The following PCDH9 variants were observed in gnomAD, a reference collection of about 807,000 sequenced individuals.
PCDH9 encodes the protein protocadherin-9.
Under a neutral mutation model 70.6 loss-of-function variants are expected in PCDH9, and 24 were observed. The observed-to-expected ratio is 0.34, with a 90% confidence interval of 0.25 to 0.48. The LOEUF (loss-of-function observed/expected upper bound fraction) is 0.48. Among genes scored for constraint, PCDH9 ranks in the 20% least tolerant of loss-of-function variants. The probability of loss-of-function intolerance (pLI) is 0.99; values close to 1 mark genes in which losing one functional copy is unlikely to be tolerated. For synonymous variants in PCDH9, 562 were observed against 558.5 expected (o/e 1.01, Z -0.09); for missense variants, 1,281 against 1,503.6 (o/e 0.85, Z 2.45).
intron 4 of PCDH9, among the ~76,000 whole-genome samples, chr13:66,488,484 T>G (rs945569563): frequency 1.3e-5 from 2 of 152,028 alleles, no homozygotes; most frequent in Admixed American, 1.3e-4. Context: ...AAGTGATAAA[T>G]CGTGAAGCAA....
At chr13:66,760,627 A>G (rs879109470) in intron 3 of PCDH9, among the ~76,000 whole-genome samples, 2 of 152,212 alleles carry the variant, frequency 1.3e-5, no homozygotes, top group South Asian at 4.1e-4. Flanking sequence ...AAATCTAGGC[A>G]TCCTAAAAGA....
At chr13:66,824,692 A>ATATG (rs1555272684) in intron 3 of PCDH9, among the ~76,000 whole-genome samples, 19 of 131,044 alleles carry the variant, frequency 1.4e-4, no homozygotes, top group African/African-American at 5.5e-4. Context: ...ATATATATAT[A>ATATG]TATATGCACA....
At chr13:66,732,895 T>C (rs1301005961) in intron 3 of PCDH9, among the ~76,000 whole-genome samples, 1 of 152,082 alleles carries the variant, frequency 6.6e-6, no homozygotes, top group African/African-American at 2.4e-5. Context: ...TACTTAGTTC[T>C]AAGAGCTTCC....
chr13:66,405,358 A>G (rs1420762989), intron 4 of PCDH9, among the ~76,000 whole-genome samples: 1 of 152,220 alleles, frequency 6.6e-6, no homozygotes, highest in African/African-American at 2.4e-5. Flanking sequence ...GCATTTGCAC[A>G]GTTTACAAAT....
At chr13:67,182,806 C>T (rs1019729752) in intron 2 of PCDH9, among the ~76,000 whole-genome samples, 3 of 152,152 alleles carry the variant, frequency 2.0e-5, no homozygotes, top group Non-Finnish European at 2.9e-5. Flanking sequence ...TCTTCCTTTA[C>T]ATGCCACTCT....
chr13:66,900,122 T>G (rs1204188029), intron 3 of PCDH9, among the ~76,000 whole-genome samples: 2 of 151,770 alleles, frequency 1.3e-5, no homozygotes. Flanking sequence ...GCCTGTGAGG[T>G]TTTTTGTTTG....
At chr13:66,849,540 A>AGAGAGAGAGG (rs2081281056) in intron 3 of PCDH9, among the ~76,000 whole-genome samples, 1 of 149,626 alleles carries the variant, frequency 6.7e-6, no homozygotes, top group East Asian at 2.0e-4. Flanking sequence ...AGAGAGAGAG[A>AGAGAGAGAGG]GAGAGATTGC....
intron 4 of PCDH9, among the ~76,000 whole-genome samples, chr13:66,520,008 A>G (rs977556078): frequency 6.6e-6 from 1 of 152,128 alleles, no homozygotes; most frequent in Admixed American, 6.6e-5. Flanking sequence ...CAGCAATCCA[A>G]ATCGGTTCAG....
intron 2 of PCDH9, among the ~76,000 whole-genome samples, chr13:67,190,482 T>C (rs1340262389): frequency 6.6e-6 from 1 of 151,988 alleles, no homozygotes; most frequent in African/African-American, 2.4e-5. Flanking sequence ...TATAATTAAT[T>C]CAAAATAGAG....
intron 2 of PCDH9, chr13:67,225,110 T>A: frequency 2.4e-6 from 3 of 1,275,210 alleles, no homozygotes; most frequent in Non-Finnish European, 3.0e-6. Flanking sequence ...CAGGACAGGT[T>A]TTTTCTTCTT....
At chr13:67,073,884 C>T (rs946289608) in intron 2 of PCDH9, among the ~76,000 whole-genome samples, 43 of 151,802 alleles carry the variant, frequency 2.8e-4, no homozygotes, top group African/African-American at 9.4e-4. Flanking sequence ...TTCTACTAAA[C>T]GTCTACCTCT....
At chr13:66,917,111 C>T (rs2139634486) in intron 2 of PCDH9, among the ~76,000 whole-genome samples, 1 of 151,698 alleles carries the variant, frequency 6.6e-6, no homozygotes, top group African/African-American at 2.4e-5. Flanking sequence ...ATAAAACACA[C>T]TTCACTTGTT....
intron 4 of PCDH9, among the ~76,000 whole-genome samples, chr13:66,345,082 T>C (rs978326898): frequency 2.6e-5 from 4 of 152,188 alleles, no homozygotes; most frequent in Admixed American, 1.3e-4. Flanking sequence ...CTGTGCTCCA[T>C]GCCTTTTTCC....
chr13:66,422,775 A>T (rs901107793), intron 4 of PCDH9, among the ~76,000 whole-genome samples: 3 of 152,174 alleles, frequency 2.0e-5, no homozygotes, highest in African/African-American at 4.8e-5. Context: ...TAAATTCAAA[A>T]GGTAGCAGAA....
At chr13:66,344,743 C>G (rs1387593141) in intron 4 of PCDH9, among the ~76,000 whole-genome samples, 1 of 152,078 alleles carries the variant, frequency 6.6e-6, no homozygotes, top group African/African-American at 2.4e-5. Context: ...ATTACCAATT[C>G]TCTAAATGTT....
chr13:66,477,325 C>T (rs189754457), intron 4 of PCDH9, among the ~76,000 whole-genome samples: 6 of 151,966 alleles, frequency 3.9e-5, no homozygotes, highest in Admixed American at 1.3e-4. Context: ...CTAATTAATA[C>T]GATTATTGTG....
chr13:67,033,143 T>C (rs899334516), intron 2 of PCDH9, among the ~76,000 whole-genome samples: 2 of 152,174 alleles, frequency 1.3e-5, no homozygotes, highest in African/African-American at 4.8e-5. Flanking sequence ...CCTCAAACAA[T>C]GAAAATTAAG....
rs961522135 is a variant in PCDH9, at chr13:66,304,811, G to C, written c.3558C>G (p.Asp1186Glu). The change falls in exon 5 of 5, where the codon GAC becomes GAG. Residue 1186 changes from aspartate (D) to glutamate (E), a missense_variant. Asp to Glu is a conservative substitution (Grantham distance 45, BLOSUM62 2). Transcript: ENST00000377865. ...GHTLTRAWKE[D>E]SNRNQFNDRK... Reference sequence around the variant, plus strand: ...GGTCATTGAACTGGTTCCTGTTGCTGTCTTCTTTCCAGGCTCTGGTCAGGG... The same window carrying C: ...GGTCATTGAACTGGTTCCTGTTGCTCTCTTCTTTCCAGGCTCTGGTCAGGG... The C allele has an allele frequency of 3.7e-6, 6 of 1,613,546 alleles. No individual in the cohort carries two copies. The highest frequency in any genetic ancestry group is 2.2e-5 in the South Asian group (2 of 91,078).
chr13:66,435,661 C>A (rs114606436), intron 4 of PCDH9, among the ~76,000 whole-genome samples: 1 of 152,068 alleles, frequency 6.6e-6, no homozygotes, highest in Non-Finnish European at 1.5e-5. Context: ...TTCATTAAGA[C>A]AAAGGAGAAA....
Sources: gnomAD v4.1 joint callset for allele counts (sites outside exome capture counted in the v4.1 genomes callset) on GRCh38, gnomAD v4.1.1 for gene constraint, MANE v1.5 for transcripts, NCBI Gene and HGNC (gene_info 2026-07-23, HGNC 2026-07-21) for gene names.